The following DLG1 variants were observed in gnomAD, a reference collection of about 807,000 sequenced individuals.
DLG1 encodes the protein discs large MAGUK scaffold protein 1.
In DLG1, 42 loss-of-function variants were observed where a neutral mutation model predicts 123.4. The observed-to-expected ratio is 0.34, with a 90% confidence interval of 0.27 to 0.44. The LOEUF is 0.44. Among genes scored for constraint, DLG1 ranks in the 20% least tolerant of loss-of-function variants. DLG1 has a pLI of 1.00. For synonymous variants in DLG1, 317 were observed against 356.2 expected (o/e 0.89, Z 1.24); for missense variants, 942 against 1,082.6 (o/e 0.87, Z 1.82).
intron 6 of DLG1, among the ~76,000 whole-genome samples, chr3:197,147,052 C>T (rs1455773117): frequency 6.6e-6 from 1 of 152,108 alleles, no homozygotes; most frequent in Non-Finnish European, 1.5e-5. Context: ...AAGTGCTCAA[C>T]ATCACTATCG....
intron 5 of DLG1, among the ~76,000 whole-genome samples, chr3:197,151,386 A>G (rs1461439884): frequency 6.6e-6 from 1 of 152,200 alleles, no homozygotes; most frequent in Non-Finnish European, 1.5e-5. Context: ...GCTGTTTATC[A>G]GTACCAACTC....
At chr3:197,152,189 A>G (rs1043816864) in intron 5 of DLG1, among the ~76,000 whole-genome samples, 17 of 152,180 alleles carry the variant, frequency 1.1e-4, no homozygotes, top group African/African-American at 3.9e-4. Flanking sequence ...AATTTTAATA[A>G]TAACTGTGAT....
chr3:197,249,257 CAGACTATTAT>C (rs969207040), intron 4 of DLG1, among the ~76,000 whole-genome samples: 30 of 151,824 alleles, frequency 2.0e-4, no homozygotes, highest in Admixed American at 6.6e-5. Flanking sequence ...AAAATCATTA[CAGACTATTAT>C]GAACAACTAT....
intron 4 of DLG1, among the ~76,000 whole-genome samples, chr3:197,269,266 C>T (rs536745240): frequency 5.9e-5 from 9 of 152,106 alleles, no homozygotes; most frequent in Non-Finnish European, 1.0e-4. Context: ...ACTTGATATA[C>T]GTCATGCTAC....
chr3:197,190,610 T>C (rs1462425136), intron 5 of DLG1, among the ~76,000 whole-genome samples: 1 of 152,192 alleles, frequency 6.6e-6, no homozygotes, highest in Non-Finnish European at 1.5e-5. Flanking sequence ...TAGAAACACC[T>C]GGAGAACTTG....
chr3:197,147,748 A>T (rs765173546), intron 6 of DLG1, among the ~76,000 whole-genome samples: 5 of 151,972 alleles, frequency 3.3e-5, no homozygotes, highest in Non-Finnish European at 7.4e-5. Flanking sequence ...GGTGCACCAA[A>T]ATCTCAGAAA....
At chr3:197,196,691 G>A (rs749151747) in intron 4 of DLG1, among the ~76,000 whole-genome samples, 23 of 152,250 alleles carry the variant, frequency 1.5e-4, no homozygotes, top group African/African-American at 5.1e-4. Context: ...CACACCCATC[G>A]TAGGAAATTC....
At chr3:197,073,114 T>C (rs1745096435) in intron 18 of DLG1, among the ~76,000 whole-genome samples, 1 of 152,238 alleles carries the variant, frequency 6.6e-6, no homozygotes, top group African/African-American at 2.4e-5. Context: ...TCTCCTCTAA[T>C]ACTACATCAT....
intron 5 of DLG1, among the ~76,000 whole-genome samples, chr3:197,159,997 A>G (rs188087478): frequency 6.6e-6 from 1 of 152,298 alleles, no homozygotes; most frequent in East Asian, 1.9e-4. Context: ...CCATCACTGT[A>G]AAGCGCCTCA....
At chr3:197,098,941 C>T (rs1389620016) in intron 14 of DLG1, among the ~76,000 whole-genome samples, 1 of 152,198 alleles carries the variant, frequency 6.6e-6, no homozygotes, top group African/African-American at 2.4e-5. Flanking sequence ...TTTCATTTAC[C>T]TACTTAAGAT....
chr3:197,254,687 T>C (rs1375412228), intron 4 of DLG1, among the ~76,000 whole-genome samples: 1 of 152,020 alleles, frequency 6.6e-6, no homozygotes, highest in Non-Finnish European at 1.5e-5. Context: ...TTAAGAGAAA[T>C]AGAAACTCTA....
chr3:197,045,922 C>CTATT (rs1262437224), intron 24 of DLG1, among the ~76,000 whole-genome samples: 1 of 152,062 alleles, frequency 6.6e-6, no homozygotes, highest in African/African-American at 2.4e-5. Flanking sequence ...ATAATACTGT[C>CTATT]TATTTGGTAC....
In DLG1 at chr3:197,119,579, T is replaced by G. The variant is rs749240872; in HGVS notation, c.1166-49A>C. 3.9e-6 allele frequency: 6 copies of G among 1,535,280 alleles called. No homozygotes were observed. In the South Asian group the frequency reaches 7.0e-5, roughly 18 times the overall value. ...ATACTTCAAACACGAAACAAGCCAA[T>G]CAGTATTCCATTTATGAGTGATTAA... is the stretch of plus-strand genomic sequence containing the variant. On this transcript the variant is annotated intron_variant, in intron 11 of 24. Transcript: ENST00000667157.
At chr3:197,262,897 T>A (rs942641646) in intron 4 of DLG1, among the ~76,000 whole-genome samples, 1 of 152,232 alleles carries the variant, frequency 6.6e-6, no homozygotes, top group Admixed American at 6.5e-5. Context: ...AATGTCATCA[T>A]GGGCCAACAC....
At chr3:197,282,102 T>C (rs1341744505) in intron 4 of DLG1, among the ~76,000 whole-genome samples, 4 of 152,214 alleles carry the variant, frequency 2.6e-5, no homozygotes, top group Non-Finnish European at 1.5e-5. Flanking sequence ...TGCTATACCA[T>C]ATCCAACTGG....
rs892354938 is a variant in DLG1 at position 197,210,123 on chromosome 3, C to T, written c.319-15534G>A. Among the ~76,000 whole-genome samples, 5 of 145,620 alleles carry T rather than the reference C, an allele frequency of 3.4e-5. 1 individual carries two copies. In the Admixed American group the frequency reaches 3.5e-4, roughly 10 times the overall value. On this transcript the variant is annotated intron_variant, in intron 4 of 24. Coordinates refer to ENST00000667157, the MANE Select transcript of DLG1 (RefSeq NM_001366207.1). The stretch of plus-strand genomic sequence containing the variant: ...GAGTCCTTCCAGTAAATTACTGAAC[C>T]TGAGGGTTCTGAACTATTAACAAAC...
chr3:197,208,252 A>G (rs1729615147), intron 4 of DLG1, among the ~76,000 whole-genome samples: 1 of 146,848 alleles, frequency 6.8e-6, no homozygotes, highest in Admixed American at 6.8e-5. Flanking sequence ...GTTTGATAAC[A>G]TACTATATAC....
intron 4 of DLG1, among the ~76,000 whole-genome samples, chr3:197,273,515 G>A (rs1420579401): frequency 6.6e-6 from 1 of 152,102 alleles, no homozygotes; most frequent in African/African-American, 2.4e-5. Flanking sequence ...TGGGATTACA[G>A]GCGTGAGCCA....
chr3:197,205,792 T>C (rs145035855), intron 4 of DLG1, among the ~76,000 whole-genome samples: 137 of 152,340 alleles, frequency 9.0e-4, no homozygotes, highest in African/African-American at 3.2e-3. Flanking sequence ...GTCCAAAATG[T>C]GTCTGAGGAG....
Sources: gnomAD v4.1 joint callset for allele counts (sites outside exome capture counted in the v4.1 genomes callset) on GRCh38, gnomAD v4.1.1 for gene constraint, MANE v1.5 for transcripts, NCBI Gene and HGNC (gene_info 2026-07-23, HGNC 2026-07-21) for gene names.